MAOB: variants seen among roughly 807,000 people sequenced by gnomAD.
MAOB encodes the protein monoamine oxidase B, also known as amine oxidase [flavin-containing] B.
In MAOB, 15 loss-of-function variants were observed where a neutral mutation model predicts 41.9. That is an observed-to-expected ratio of 0.36 (90% CI 0.24 to 0.55). The LOEUF is 0.55. Ranked by LOEUF, MAOB falls within the 20% of genes least tolerant of loss-of-function variation. The probability of loss-of-function intolerance (pLI) is 0.86; values close to 1 mark genes in which losing one functional copy is unlikely to be tolerated. For missense variants in MAOB, 345 were observed against 398.7 expected, an observed-to-expected ratio of 0.87 and a Z score of 1.15; for synonymous variants, 167 against 144.2, an observed-to-expected ratio of 1.16 and a Z score of -1.13.
intron 2 of MAOB, among the ~76,000 whole-genome samples, chrX:43,843,408 CAG>C (rs1382507478): frequency 2.1e-5 from 2 of 96,022 alleles, no homozygotes; most frequent in Non-Finnish European, 4.3e-5. Context: ...CACACACACA[CAG>C]AGGCACACAC....
intron 1 of MAOB, among the ~76,000 whole-genome samples, chrX:43,852,271 C>T (rs183377393): frequency 2.3e-4 from 26 of 111,758 alleles, no homozygotes; most frequent in Middle Eastern, 4.7e-3. Context: ...CAAAGTCTGC[C>T]CTGTGGAGCT....
intron 1 of MAOB, 190 bp from the exon 2 acceptor site, chrX:43,843,954 T>C: frequency 2.1e-5 from 20 of 974,155 alleles, no homozygotes; most frequent in Non-Finnish European, 2.6e-5. Flanking sequence ...ACAAAAGGGA[T>C]TTCATTTTTT....
intron 1 of MAOB, among the ~76,000 whole-genome samples, chrX:43,857,166 AGAAGAG>A (rs2035303240): frequency 3.2e-5 from 1 of 31,014 alleles, no homozygotes; most frequent in Admixed American, 4.0e-4. Context: ...GAGAGAGAGA[AGAAGAG>A]AGAGAGAGAG....
intron 3 of MAOB, among the ~76,000 whole-genome samples, chrX:43,823,242 G>T (rs1392724898): frequency 1.1e-5 from 1 of 90,658 alleles, no homozygotes; most frequent in Non-Finnish European, 2.1e-5. Flanking sequence ...GCATGATCTT[G>T]GCTCACTGCA....
chrX:43,875,946 CATTTATTTATTAATT>C (rs2035436839), intron 1 of MAOB, among the ~76,000 whole-genome samples: 1 of 110,836 alleles, frequency 9.0e-6, no homozygotes, highest in Non-Finnish European at 1.9e-5. Context: ...TTAATAACCA[CATTTATTTATTAATT>C]ATTTATTTAT....
At chrX:43,790,110 C>T (rs927387402) in intron 8 of MAOB, among the ~76,000 whole-genome samples, 4 of 112,050 alleles carry the variant, frequency 3.6e-5, no homozygotes, top group African/African-American at 1.3e-4. Context: ...GTGCTAATCA[C>T]TGTGCTGGAT....
intron 3 of MAOB, among the ~76,000 whole-genome samples, chrX:43,836,541 C>T (rs1186842207): frequency 8.9e-6 from 1 of 111,905 alleles, no homozygotes; most frequent in African/African-American, 3.2e-5. Context: ...TAAGTTACTA[C>T]GTAAAACATA....
chrX:43,796,077 T>C (rs149109002), intron 6 of MAOB, among the ~76,000 whole-genome samples, 189 bp from the exon 7 acceptor site: 2 of 112,189 alleles, frequency 1.8e-5, no homozygotes, highest in African/African-American at 6.5e-5. Flanking sequence ...ATTTCTAAGT[T>C]ACTTTACAAG....
At position 43,776,554 on chromosome X, in the gene MAOB, CT is replaced by C. The variant is rs777895278; in HGVS notation, c.1138-1283del. ...TACCAGGGTGAAATATCTTGAATGGCTTTTTTTTTTAAATCAACTCCACACT... is the reference window on the plus strand; with the variant it reads ...TACCAGGGTGAAATATCTTGAATGGCTTTTTTTTTAAATCAACTCCACACT... On this transcript the variant is annotated intron_variant, in intron 11 of 14. Coordinates refer to ENST00000378069, the MANE Select transcript of MAOB (RefSeq NM_000898.5). Among the ~76,000 whole-genome samples the C allele has an allele frequency of 4.3e-3, 463 of 106,830 alleles. 2 individuals are homozygous for C. Among genetic ancestry groups the C allele is most frequent in the African/African-American group, 0.014 (414 of 29,573 alleles). The allele number at this position is 106,830 out of a possible 115,157, so 92.8% of individuals were successfully genotyped here.
chrX:43,831,426 CA>C (rs201330210), intron 3 of MAOB, among the ~76,000 whole-genome samples: 3 of 107,455 alleles, frequency 2.8e-5, no homozygotes, highest in Admixed American at 1.0e-4. Context: ...TCAAGTTAAA[CA>C]AAAAAAAAGC....
At chrX:43,837,242 A>T (rs1463828356) in intron 3 of MAOB, among the ~76,000 whole-genome samples, 1 of 113,034 alleles carries the variant, frequency 8.8e-6, no homozygotes, top group East Asian at 2.8e-4. Context: ...AAGGGTGTTA[A>T]GAACTGTTGA....
chrX:43,838,082 T>C (rs1369104909), intron 3 of MAOB: 1 of 278,949 alleles, frequency 3.6e-6, no homozygotes, highest in East Asian at 1.0e-4. Flanking sequence ...TCAGTTCTAA[T>C]CTGTTTGTAT....
At position 43,847,451 on chromosome X, in the gene MAOB, C is replaced by T. The variant is rs183111832; in HGVS notation, c.47-3687G>A. The stretch of plus-strand genomic sequence containing the variant: ...GCTTTACACAAAAAGCTCAACTGAT[C>T]CTTACCACAATGCTGAGGAATATTA... On this transcript the variant is annotated intron_variant, in intron 1 of 14. Transcript: ENST00000378069. Among the ~76,000 whole-genome samples the T allele has an allele frequency of 1.1e-3, 125 of 111,579 alleles. 1 individual carries two copies. Among genetic ancestry groups the T allele is most frequent in the African/African-American group, 4.0e-3 (122 of 30,723 alleles).
At chrX:43,844,164 C>G (rs1306486694) in intron 1 of MAOB, among the ~76,000 whole-genome samples, 1 of 111,107 alleles carries the variant, frequency 9.0e-6, no homozygotes, top group East Asian at 2.8e-4. Flanking sequence ...AACTGAGGGA[C>G]AGTGGGCCTT....
At chrX:43,843,416 C>T (rs1322598101) in intron 2 of MAOB, among the ~76,000 whole-genome samples, 1 of 106,621 alleles carries the variant, frequency 9.4e-6, no homozygotes, top group Non-Finnish European at 1.9e-5. Context: ...CACAGAGGCA[C>T]ACACATATCT....
intron 3 of MAOB, among the ~76,000 whole-genome samples, chrX:43,829,162 C>G (rs914397842): frequency 5.3e-5 from 6 of 112,199 alleles, no homozygotes; most frequent in African/African-American, 1.9e-4. Context: ...TAAAATGCTC[C>G]AGGTCGCTCT....
chrX:43,820,922 A>G (rs1294185807), intron 3 of MAOB, among the ~76,000 whole-genome samples: 1 of 112,427 alleles, frequency 8.9e-6, no homozygotes, highest in African/African-American at 3.2e-5. Flanking sequence ...TGGCTCAAGA[A>G]ATGACTATTC....
intron 3 of MAOB, among the ~76,000 whole-genome samples, chrX:43,808,995 T>TAAC (rs2034708790): frequency 2.7e-5 from 3 of 110,804 alleles, no homozygotes; most frequent in Non-Finnish European, 3.8e-5. Flanking sequence ...CCCAGCCATA[T>TAAC]CCTTCTATAT....
At chrX:43,825,018 T>C (rs1389818302) in intron 3 of MAOB, among the ~76,000 whole-genome samples, 2 of 112,867 alleles carry the variant, frequency 1.8e-5, no homozygotes, top group Non-Finnish European at 3.7e-5. Context: ...CTCTAGGCCC[T>C]ATGCCATTTA....
Sources: gnomAD v4.1 joint callset for allele counts (sites outside exome capture counted in the v4.1 genomes callset) on GRCh38, gnomAD v4.1.1 for gene constraint, MANE v1.5 for transcripts, NCBI Gene and HGNC (gene_info 2026-07-23, HGNC 2026-07-21) for gene names.